Variants in EIF4H observed in about 807,000 individuals in gnomAD.
EIF4H encodes eukaryotic translation initiation factor 4H.
EIF4H carries 8 observed loss-of-function variants against 30.6 expected under a neutral mutation model. The ratio of observed to expected loss-of-function variants is 0.26; its 90% CI spans 0.15 to 0.47. The LOEUF (loss-of-function observed/expected upper bound fraction) is 0.47, where lower values mean the gene tolerates loss of function less well. EIF4H is among the 20% of genes least tolerant of loss of function. The pLI, the probability that EIF4H is intolerant of heterozygous loss-of-function variation, is 0.99. For missense variants in EIF4H, 188 were observed against 339.5 expected (o/e 0.55, Z 3.51); for synonymous variants, 106 against 122.7 (o/e 0.86, Z 0.90).
chr7:74,179,366 T>G (rs1263885700), intron 1 of EIF4H, among the ~76,000 whole-genome samples: 1 of 152,180 alleles, frequency 6.6e-6, no homozygotes, highest in Non-Finnish European at 1.5e-5. Context: ...GCGCGGTGGC[T>G]CACTCCTGTA....
At chr7:74,178,315 C>T (rs1309944009) in intron 1 of EIF4H, among the ~76,000 whole-genome samples, 2 of 151,998 alleles carry the variant, frequency 1.3e-5, no homozygotes, top group Non-Finnish European at 2.9e-5. Flanking sequence ...TTTGGAAGGC[C>T]GAAGCAGGCG....
chr7:74,191,423 C>T (rs770880043), intron 5 of EIF4H: 4 of 382,248 alleles, frequency 1.0e-5, no homozygotes, highest in East Asian at 1.4e-4. Flanking sequence ...TGGCCACTGG[C>T]GCTCAAGCAG....
chr7:74,188,453 C>A (rs185841370), intron 2 of EIF4H, among the ~76,000 whole-genome samples: 10 of 152,220 alleles, frequency 6.6e-5, no homozygotes, highest in African/African-American at 1.9e-4. Flanking sequence ...GCATAATCCA[C>A]CCAAAAGCAC....
At position 74,174,451 on chromosome 7, in the gene EIF4H, G is replaced by A; in HGVS notation, c.59+9G>A. ...TTCGGCGGCGGCAGAGGGTGAGGCG[G>A]GCGTGCGCGGGCCCCGTCGGGGGCT... On this transcript the variant is annotated intron_variant, in intron 1 of 6. Transcript: ENST00000265753. 2 of 1,425,432 alleles carry A rather than the reference G, an allele frequency of 1.4e-6. No individual in the cohort carries two copies. Among genetic ancestry groups the A allele is most frequent in the South Asian group, 1.5e-5 (1 of 65,820 alleles). 88.3% of individuals were successfully genotyped at this position (1,425,432 alleles called of 1,614,324 possible). A position where few individuals can be genotyped will look rare whatever the true frequency, so the allele number is the denominator to read the frequency against.
At chr7:74,191,327 G>C (rs782014950) in intron 5 of EIF4H, 10 of 522,780 alleles carry the variant, frequency 1.9e-5, no homozygotes, top group South Asian at 1.4e-4. Flanking sequence ...GCAGCTCAGG[G>C]AACGGCCTTT....
At chr7:74,190,565 C>G (rs1021539582) in intron 5 of EIF4H, among the ~76,000 whole-genome samples, 1 of 152,198 alleles carries the variant, frequency 6.6e-6, no homozygotes, top group Non-Finnish European at 1.5e-5. Flanking sequence ...TCCTTGAGCT[C>G]GCTCAGCAGT....
intron 5 of EIF4H, chr7:74,191,108 C>T (rs1801198608): frequency 3.8e-6 from 2 of 520,228 alleles, no homozygotes; most frequent in Admixed American, 4.1e-5. Flanking sequence ...CTGGTGCACG[C>T]TGTCTTGTGA....
chr7:74,194,508 T>G (rs1005444861), intron 5 of EIF4H, among the ~76,000 whole-genome samples: 1 of 152,234 alleles, frequency 6.6e-6, no homozygotes, highest in Non-Finnish European at 1.5e-5. Context: ...GCTCGTTTGT[T>G]TGCTCTCCTA....
chr7:74,178,398 A>G (rs1554707972), intron 1 of EIF4H, among the ~76,000 whole-genome samples: 1 of 151,932 alleles, frequency 6.6e-6, no homozygotes, highest in East Asian at 1.9e-4. Flanking sequence ...AAAAATACAA[A>G]ACGGGTGTGG....
At chr7:74,186,802 T>A (rs1554709229) in intron 1 of EIF4H, among the ~76,000 whole-genome samples, 215 of 12,012 alleles carry the variant, frequency 0.018, 58 homozygotes, top group African/African-American at 0.025. Flanking sequence ...TTTTTTTTTT[T>A]TTTTTTTTTT....
chr7:74,196,934 G>A lies in EIF4H; in HGVS notation c.*1626G>A, dbSNP rs542846380. On this transcript the variant is annotated 3_prime_UTR_variant, in exon 7 of 7. Coordinates refer to ENST00000265753, the MANE Select transcript of EIF4H (RefSeq NM_022170.2). ...ACATCTTCAATGTGGATAAGATAAA[G>A]AACAAAACACATGCATCTAAACTGC... The A allele has an allele frequency of 6.6e-6, 1 of 152,552 alleles. No homozygotes were observed. Among genetic ancestry groups the A allele is most frequent in the African/African-American group, 2.4e-5 (1 of 41,416 alleles). 9.4% of individuals were successfully genotyped at this position (152,552 alleles called of 1,614,324 possible). A position where few individuals can be genotyped will look rare whatever the true frequency, so the allele number is the denominator to read the frequency against.
intron 1 of EIF4H, among the ~76,000 whole-genome samples, chr7:74,186,296 C>T (rs550194994): frequency 6.6e-6 from 1 of 151,888 alleles, no homozygotes; most frequent in South Asian, 2.1e-4. Context: ...TCACTACAAC[C>T]TCCACCTCCT....
intron 1 of EIF4H, chr7:74,183,946 AAGGGACTACATCAGGT>A (rs1270153793): frequency 6.6e-6 from 1 of 152,246 alleles, no homozygotes; most frequent in African/African-American, 2.4e-5. Flanking sequence ...AGACCTGTAG[AAGGGACTACATCAGGT>A]AGGGTATGGG....
chr7:74,184,483 A>T (rs1801038951), intron 1 of EIF4H, among the ~76,000 whole-genome samples: 1 of 151,958 alleles, frequency 6.6e-6, no homozygotes, highest in African/African-American at 2.4e-5. Flanking sequence ...GCATATATAC[A>T]TGTGTTTTAT....
intron 1 of EIF4H, among the ~76,000 whole-genome samples, chr7:74,176,329 C>T (rs147471087): frequency 0.025 from 3,809 of 150,036 alleles, 164 homozygotes; most frequent in African/African-American, 0.087. Flanking sequence ...CCTCCACCTC[C>T]CGGGTTTAAG....
intron 1 of EIF4H, chr7:74,183,739 T>C (rs1360927296): frequency 2.0e-5 from 3 of 152,110 alleles, no homozygotes; most frequent in African/African-American, 7.2e-5. Flanking sequence ...ATCTGTGTCA[T>C]CCTATGTGAT....
At chr7:74,194,274 GT>G (rs1554710393) in intron 5 of EIF4H, among the ~76,000 whole-genome samples, 1 of 152,138 alleles carries the variant, frequency 6.6e-6, no homozygotes, top group Non-Finnish European at 1.5e-5. Context: ...GGGACTTTGT[GT>G]TTTTATTTTG....
At chr7:74,176,613 T>G (rs1800847377) in intron 1 of EIF4H, among the ~76,000 whole-genome samples, 1 of 152,230 alleles carries the variant, frequency 6.6e-6, no homozygotes. Flanking sequence ...ATGGTAGGCC[T>G]AAAATGAACA....
chr7:74,180,184 A>G (rs149405339), intron 1 of EIF4H, among the ~76,000 whole-genome samples: 24 of 152,352 alleles, frequency 1.6e-4, no homozygotes, highest in African/African-American at 5.8e-4. Context: ...GCAACAGAGC[A>G]AGACCCTGTC....
Sources: allele counts gnomAD v4.1 joint callset (sites outside exome capture counted in the v4.1 genomes callset), GRCh38; gene constraint gnomAD v4.1.1; transcripts MANE v1.5; gene names NCBI Gene and HGNC (gene_info 2026-07-23, HGNC 2026-07-21).